PRKAR2A: variants seen among roughly 807,000 people sequenced by gnomAD.
PRKAR2A encodes cAMP-dependent protein kinase type II-alpha regulatory subunit.
PRKAR2A carries 29 observed loss-of-function variants against 51.9 expected under a neutral mutation model. The ratio of observed to expected loss-of-function variants is 0.56; its 90% confidence interval spans 0.42 to 0.76. The LOEUF is 0.76. PRKAR2A is among the 30% of genes least tolerant of loss of function. The pLI is 0.00. For missense variants in PRKAR2A, 445 were observed against 512.1 expected (o/e 0.87, Z 1.26); for synonymous variants, 178 against 186.2 (o/e 0.96, Z 0.36).
At chr3:48,818,724 C>T (rs2082911695) in intron 1 of PRKAR2A, among the ~76,000 whole-genome samples, 1 of 152,140 alleles carries the variant, frequency 6.6e-6, no homozygotes, top group Non-Finnish European at 1.5e-5. Context: ...ACCTGGGTGA[C>T]ACAGCAAGAC....
intron 1 of PRKAR2A, among the ~76,000 whole-genome samples, chr3:48,813,079 T>C (rs2082802847): frequency 1.3e-5 from 2 of 152,070 alleles, no homozygotes; most frequent in Admixed American, 1.3e-4. Context: ...TCCATTTGCA[T>C]AGAAATTTGG....
rs528059579 is a variant in PRKAR2A at position 48,832,154 on chromosome 3, C to T, written c.262+15181G>A. The stretch of plus-strand genomic sequence containing the variant: ...ATTAAAAATACAAAAACTAGCAGGG[C>T]GTGGTGGCGGGCGCCTGTAATCCCA... On this transcript the variant is annotated intron_variant, in intron 1 of 10. Coordinates refer to ENST00000265563, the MANE Select transcript of PRKAR2A (RefSeq NM_004157.4). Among the ~76,000 whole-genome samples the T allele has an allele frequency of 3.3e-5, 5 of 151,740 alleles. No individual in the cohort carries two copies. In the South Asian group the frequency reaches 8.3e-4, roughly 25 times the overall value.
intron 2 of PRKAR2A, among the ~76,000 whole-genome samples, chr3:48,801,213 C>T (rs914523310): frequency 6.6e-6 from 1 of 151,970 alleles, no homozygotes; most frequent in Admixed American, 6.6e-5. Context: ...AGTACAATGG[C>T]AGGATTTTGG....
At chr3:48,795,649 G>T (rs1343414118) in intron 2 of PRKAR2A, among the ~76,000 whole-genome samples, 1 of 152,196 alleles carries the variant, frequency 6.6e-6, no homozygotes, top group Non-Finnish European at 1.5e-5. Context: ...TTATTCTCCT[G>T]CCTTAGCCTC....
chr3:48,799,935 C>T (rs1385276109), intron 2 of PRKAR2A, among the ~76,000 whole-genome samples: 1 of 152,144 alleles, frequency 6.6e-6, no homozygotes, highest in Non-Finnish European at 1.5e-5. Context: ...TCTTGGCTCA[C>T]TGCAACCTCC....
At position 48,750,498 on chromosome 3, in the gene PRKAR2A, G is replaced by C. The variant is rs2081631398; in HGVS notation, c.*1087C>G. On this transcript the variant is annotated 3_prime_UTR_variant, in exon 11 of 11. Transcript: ENST00000265563. ...TTATAGGCATGAGCCATTGAGCCTG[G>C]CCTGAGAATTTTCTTTAATTTCAAA... is the stretch of plus-strand genomic sequence containing the variant. The C allele has an allele frequency of 6.6e-6, 1 of 152,236 alleles. No individual in the cohort carries two copies. Among genetic ancestry groups the C allele is most frequent in the Non-Finnish European group, 1.5e-5 (1 of 68,066 alleles). The allele number at this position is 152,236 out of a possible 1,614,324, so 9.4% of individuals were successfully genotyped here.
intron 4 of PRKAR2A, among the ~76,000 whole-genome samples, chr3:48,790,083 C>T (rs1043481443): frequency 2.0e-5 from 3 of 151,906 alleles, no homozygotes; most frequent in East Asian, 1.9e-4. Flanking sequence ...ATAAGGGTTA[C>T]GTGAATATGA....
chr3:48,821,887 C>A (rs575668378), intron 1 of PRKAR2A, among the ~76,000 whole-genome samples: 1 of 147,406 alleles, frequency 6.8e-6, no homozygotes, highest in African/African-American at 2.5e-5. Context: ...TGCACTCCAG[C>A]CTGGGCGACA....
At chr3:48,760,770 G>A (rs2081852140) in intron 8 of PRKAR2A, among the ~76,000 whole-genome samples, 1 of 151,352 alleles carries the variant, frequency 6.6e-6, no homozygotes, top group Non-Finnish European at 1.5e-5. Flanking sequence ...AGGAGGCGGG[G>A]GTGGTGGTGA....
chr3:48,765,580 T>TG (rs1426890910), intron 6 of PRKAR2A, among the ~76,000 whole-genome samples: 2 of 152,080 alleles, frequency 1.3e-5, no homozygotes, highest in Non-Finnish European at 2.9e-5. Context: ...GTGCCACCTA[T>TG]GGGTCATAAA....
In PRKAR2A at chr3:48,809,254, T is replaced by G. The variant is rs186090265; in HGVS notation, c.263-1570A>C. 4.6e-5 allele frequency among the ~76,000 whole-genome samples: 7 copies of G among 152,210 alleles called. No individual in the cohort carries two copies. The East Asian group carries it at 1.4e-3, about 29-fold the overall frequency. On this transcript the variant is annotated intron_variant, in intron 1 of 10. Transcript: ENST00000265563. ...TGGCTTAGGTTAGATGTGTGGCTTA[T>G]GAACAGAAGGAAAACAAATAGATTC...
intron 1 of PRKAR2A, among the ~76,000 whole-genome samples, chr3:48,826,088 C>T (rs1238425598): frequency 1.3e-5 from 2 of 152,100 alleles, no homozygotes; most frequent in African/African-American, 4.8e-5. Flanking sequence ...CATAGAGAGA[C>T]CCCCATCTCT....
intron 5 of PRKAR2A, among the ~76,000 whole-genome samples, chr3:48,780,155 A>AC (rs202179601): frequency 5.3e-5 from 8 of 150,546 alleles, no homozygotes; most frequent in Admixed American, 6.6e-5. Context: ...GAGACTCCGT[A>AC]CCCCCCCCAA....
chr3:48,806,446 A>G (rs2082676554), intron 2 of PRKAR2A, among the ~76,000 whole-genome samples: 1 of 152,172 alleles, frequency 6.6e-6, no homozygotes, highest in African/African-American at 2.4e-5. Context: ...AGCTCTATGG[A>G]AAAAAGGGGA....
intron 6 of PRKAR2A, among the ~76,000 whole-genome samples, chr3:48,767,752 G>A (rs900864687): frequency 2.0e-5 from 3 of 151,454 alleles, no homozygotes; most frequent in Non-Finnish European, 4.4e-5. Flanking sequence ...ATGAAACCCC[G>A]TCTCTACTAA....
intron 1 of PRKAR2A, among the ~76,000 whole-genome samples, chr3:48,813,462 G>A (rs1329257934): frequency 2.6e-5 from 4 of 151,992 alleles, no homozygotes; most frequent in Non-Finnish European, 4.4e-5. Flanking sequence ...TTGGGAGGCC[G>A]AGGCGGCGGA....
intron 3 of PRKAR2A, among the ~76,000 whole-genome samples, chr3:48,793,740 C>T (rs536073013): frequency 6.6e-5 from 10 of 152,246 alleles, no homozygotes; most frequent in Non-Finnish European, 1.2e-4. Context: ...AATCCTCCTG[C>T]CTCAGCCTCT....
chr3:48,828,175 AC>A (rs775177186), intron 1 of PRKAR2A, among the ~76,000 whole-genome samples: 4 of 152,032 alleles, frequency 2.6e-5, no homozygotes, highest in Non-Finnish European at 5.9e-5. Context: ...CCAACTTTAA[AC>A]TTTTTTCTAA....
chr3:48,834,022 A>G (rs1221210246), intron 1 of PRKAR2A, among the ~76,000 whole-genome samples: 1 of 150,936 alleles, frequency 6.6e-6, no homozygotes, highest in Non-Finnish European at 1.5e-5. Flanking sequence ...GCAACAAAGC[A>G]AGACTCCGTC....
Sources: gnomAD v4.1 joint callset for allele counts (sites outside exome capture counted in the v4.1 genomes callset) on GRCh38, gnomAD v4.1.1 for gene constraint, MANE v1.5 for transcripts, NCBI Gene and HGNC (gene_info 2026-07-23, HGNC 2026-07-21) for gene names.